The following STX7 variants were observed in gnomAD, a reference collection of about 807,000 sequenced individuals.
STX7 encodes syntaxin 7, also known as syntaxin-7.
In STX7, 34 loss-of-function variants were observed where a neutral mutation model predicts 39.6. The observed-to-expected ratio is 0.86, with a 90% CI of 0.65 to 1.14. The LOEUF is 1.14. Ranked by LOEUF, STX7 falls within the 50% of genes most tolerant of loss-of-function variation. The pLI is 0.00. For synonymous variants in STX7, 119 were observed against 99.1 expected, an observed-to-expected ratio of 1.20 and a Z score of -1.19; for missense variants, 284 against 310.4, an observed-to-expected ratio of 0.92 and a Z score of 0.64.
chr6:132,482,310 A>C (rs1049358985), intron 2 of STX7, among the ~76,000 whole-genome samples: 1 of 152,170 alleles, frequency 6.6e-6, no homozygotes, highest in Admixed American at 6.6e-5. Flanking sequence ...GCATTCCTTT[A>C]AATTGAGCAG....
intron 2 of STX7, among the ~76,000 whole-genome samples, chr6:132,501,393 T>G (rs1775555331): frequency 6.6e-6 from 1 of 152,094 alleles, no homozygotes. Context: ...ACATAGACTG[T>G]GGAGTATCAT....
At position 132,451,558 on chromosome 6, in the gene STX7, T is replaced by C. The variant is rs1335999680; in HGVS notation, c.*9200A>G. The C allele has an allele frequency of 6.6e-6, 1 of 152,008 alleles. No homozygotes were observed. Among genetic ancestry groups the C allele is most frequent in the East Asian group, 1.9e-4 (1 of 5,190 alleles). The allele number at this position is 152,008 out of a possible 1,614,324, so 9.4% of individuals were successfully genotyped here. On this transcript the variant is annotated 3_prime_UTR_variant, in exon 10 of 10. Transcript: ENST00000367941. Reference sequence around the variant, plus strand: ...GCCAATGGAACTACAATAATAATAATAAGGCTAAAGGAGTGCTCTAAACAG... The same window carrying C: ...GCCAATGGAACTACAATAATAATAACAAGGCTAAAGGAGTGCTCTAAACAG...
At chr6:132,491,008 G>GCACAGCACAA (rs1775268215) in intron 2 of STX7, among the ~76,000 whole-genome samples, 3 of 148,180 alleles carry the variant, frequency 2.0e-5, no homozygotes, top group African/African-American at 7.9e-5. Context: ...GCACAGCACA[G>GCACAGCACAA]CACAGCACAG....
chr6:132,477,608 A>G (rs1293988760), intron 2 of STX7, among the ~76,000 whole-genome samples: 2 of 152,162 alleles, frequency 1.3e-5, no homozygotes, highest in African/African-American at 4.8e-5. Context: ...ATATGATCTT[A>G]TACATGATCT....
chr6:132,512,382 G>A (rs1226779056), intron 1 of STX7, among the ~76,000 whole-genome samples: 1 of 152,004 alleles, frequency 6.6e-6, no homozygotes, highest in African/African-American at 2.4e-5. Flanking sequence ...CAAGGTGGAG[G>A]AAATACTAGA....
intron 1 of STX7, among the ~76,000 whole-genome samples, chr6:132,510,880 T>C (rs1251424923): frequency 2.6e-5 from 4 of 152,206 alleles, no homozygotes; most frequent in Non-Finnish European, 5.9e-5. Context: ...AATCTTGAAG[T>C]GTCAAACACT....
chr6:132,484,142 T>C (rs1236262096), intron 2 of STX7, among the ~76,000 whole-genome samples: 1 of 152,228 alleles, frequency 6.6e-6, no homozygotes, highest in Non-Finnish European at 1.5e-5. Context: ...TTGCATTATC[T>C]ACAATTTTGA....
In STX7 at chr6:132,460,603, C is replaced by T. The variant is rs1774366373; in HGVS notation, c.*155G>A. On this transcript the variant is annotated 3_prime_UTR_variant, in exon 10 of 10. Transcript: ENST00000367941. Reference sequence around the variant, plus strand: ...GTATTAGAAAATATCAGATTTAATCCAAAGGAACCACCCCAACCCCCCCAA... The same window carrying T: ...GTATTAGAAAATATCAGATTTAATCTAAAGGAACCACCCCAACCCCCCCAA... 1 of 505,164 alleles carries T rather than the reference C, an allele frequency of 2.0e-6. No homozygotes were observed. The highest frequency in any genetic ancestry group is 3.9e-5 in the Admixed American group (1 of 25,742). 31.3% of individuals were successfully genotyped at this position (505,164 alleles called of 1,614,324 possible).
chr6:132,470,663 C>CAA, intron 5 of STX7, 37 bp from the exon 6 acceptor site: 1 of 1,447,290 alleles, frequency 6.9e-7, no homozygotes, highest in African/African-American at 1.4e-5. Flanking sequence ...TGAGAAGGGG[C>CAA]AAAAAAAGCA....
chr6:132,460,934 G>T, intron 9 of STX7, 84 bp from the exon 10 acceptor site: 1 of 1,215,560 alleles, frequency 8.2e-7, no homozygotes, highest in Non-Finnish European at 1.2e-6. Flanking sequence ...AAAATAATTT[G>T]GTTCATTTCT....
intron 2 of STX7, among the ~76,000 whole-genome samples, chr6:132,501,665 C>A (rs1179028687): frequency 6.6e-6 from 1 of 152,154 alleles, no homozygotes; most frequent in Non-Finnish European, 1.5e-5. Context: ...ACAGTCATTC[C>A]TCATCCTCAA....
chr6:132,494,602 G>A lies in STX7; in HGVS notation c.85+8844C>T, dbSNP rs116487712. Among the ~76,000 whole-genome samples, 247 of 152,226 alleles carry A rather than the reference G, an allele frequency of 1.6e-3. 1 individual carries two copies. The highest frequency in any genetic ancestry group is 5.8e-3 in the African/African-American group (239 of 41,532). On this transcript the variant is annotated intron_variant, in intron 2 of 9. Coordinates refer to ENST00000367941, the MANE Select transcript of STX7 (RefSeq NM_003569.3). ...AAGCAGAAGAGGAGCAAGTGCAAAG[G>A]CCCTGAGGTGAGGATGAGCTGACTG...
In STX7 at chr6:132,454,992, C is replaced by T. The variant is rs916145606; in HGVS notation, c.*5766G>A. ...GTGGCCTGAGGCACATTGAAAATGCCTCGAAATGAACTCAAAACGACCACA... is the reference window on the plus strand; with the variant it reads ...GTGGCCTGAGGCACATTGAAAATGCTTCGAAATGAACTCAAAACGACCACA... On this transcript the variant is annotated 3_prime_UTR_variant, in exon 10 of 10. Coordinates refer to ENST00000367941, the MANE Select transcript of STX7 (RefSeq NM_003569.3). 1 of 152,094 alleles carries T rather than the reference C, an allele frequency of 6.6e-6. No homozygotes were observed. The highest frequency in any genetic ancestry group is 6.6e-5 in the Admixed American group (1 of 15,258). 9.4% of individuals were successfully genotyped at this position (152,094 alleles called of 1,614,324 possible). A position where few individuals can be genotyped will look rare whatever the true frequency, so the allele number is the denominator to read the frequency against.
chr6:132,495,612 G>A lies in STX7; in HGVS notation c.85+7834C>T, dbSNP rs557415044. On this transcript the variant is annotated intron_variant, in intron 2 of 9. Transcript: ENST00000367941. ...TAAATTCATTAATTTCTCAGGACTGGAGCTCCTTTTTTAAAAAAATATTTG... is the reference window on the plus strand; with the variant it reads ...TAAATTCATTAATTTCTCAGGACTGAAGCTCCTTTTTTAAAAAAATATTTG... 2.0e-5 allele frequency among the ~76,000 whole-genome samples: 3 copies of A among 151,852 alleles called. No individual in the cohort carries two copies. In the South Asian group the frequency reaches 6.3e-4, roughly 32 times the overall value.
chr6:132,483,719 T>C (rs1377565777), intron 2 of STX7, among the ~76,000 whole-genome samples: 1 of 152,204 alleles, frequency 6.6e-6, no homozygotes. Context: ...CTAGAAGGTA[T>C]GGATAGTAGG....
chr6:132,488,962 G>A (rs1249432554), intron 2 of STX7, among the ~76,000 whole-genome samples: 2 of 152,058 alleles, frequency 1.3e-5, no homozygotes, highest in Non-Finnish European at 2.9e-5. Flanking sequence ...AGCACTTTGG[G>A]AGGCCAAGGT....
At chr6:132,489,041 A>C (rs1775211339) in intron 2 of STX7, among the ~76,000 whole-genome samples, 1 of 152,002 alleles carries the variant, frequency 6.6e-6, no homozygotes, top group Admixed American at 6.5e-5. Context: ...ATCTCTTCTA[A>C]AGATACAAAA....
rs150525708 is a variant in STX7 at position 132,453,794 on chromosome 6, G to T, written c.*6964C>A. On this transcript the variant is annotated 3_prime_UTR_variant, in exon 10 of 10. Coordinates refer to ENST00000367941, the MANE Select transcript of STX7 (RefSeq NM_003569.3). ...AGAGACACCACCAAATGCTGAAAAG[G>T]ACATGAAGCAACTAGATCACTCATA... is the stretch of plus-strand genomic sequence containing the variant. The T allele has an allele frequency of 1.7e-4, 26 of 151,872 alleles. No individual in the cohort carries two copies. Among genetic ancestry groups the T allele is most frequent in the Admixed American group, 1.6e-3 (25 of 15,242 alleles). 9.4% of individuals were successfully genotyped at this position (151,872 alleles called of 1,614,324 possible).
chr6:132,509,368 CTTG>C (rs1562343331), intron 1 of STX7, among the ~76,000 whole-genome samples: 4 of 151,914 alleles, frequency 2.6e-5, no homozygotes, highest in Non-Finnish European at 4.4e-5. Flanking sequence ...AGGACAATCG[CTTG>C]AACCCAGGAG....
Sources: allele counts gnomAD v4.1 joint callset (sites outside exome capture counted in the v4.1 genomes callset), GRCh38; gene constraint gnomAD v4.1.1; transcripts MANE v1.5; gene names NCBI Gene and HGNC (gene_info 2026-07-23, HGNC 2026-07-21).